The following MIIP variants were observed in gnomAD, a reference collection of about 807,000 sequenced individuals.
The protein encoded by MIIP is migration and invasion-inhibitory protein.
A neutral mutation model predicts 44.8 loss-of-function variants in MIIP; 44 were observed. The observed-to-expected ratio is 0.98, with a 90% CI of 0.77 to 1.26. The LOEUF is 1.26. Among genes scored for constraint, MIIP ranks in the 50% most tolerant of loss-of-function variants. The pLI, the probability that MIIP is intolerant of heterozygous loss-of-function variation, is 0.00. For synonymous variants in MIIP, 225 were observed against 218.3 expected, an observed-to-expected ratio of 1.03 and a Z score of -0.27; for missense variants, 496 against 511.7, an observed-to-expected ratio of 0.97 and a Z score of 0.30.
intron 1 of MIIP, among the ~76,000 whole-genome samples, chr1:12,021,284 C>CTCAG (rs1557547824): frequency 3.9e-5 from 6 of 152,012 alleles, no homozygotes; most frequent in Non-Finnish European, 1.5e-5. Context: ...GTCCCAGCTA[C>CTCAG]TCAGGAGGCT....
chr1:12,021,855 TG>T lies in MIIP; in HGVS notation c.114+18del. The stretch of plus-strand genomic sequence containing the variant: ...CAGCCTCGGAGGTGCGTGCCCGCCT[TG>T]GGAACCCCAGAGGAAGGGGCTACCT... On this transcript the variant is annotated intron_variant, in intron 2 of 9. Transcript: ENST00000235332. The T allele has an allele frequency of 6.3e-7, 1 of 1,584,386 alleles. No homozygotes were observed. The highest frequency in any genetic ancestry group is 8.6e-7 in the Non-Finnish European group (1 of 1,165,370).
chr1:12,028,977 A>G, intron 4 of MIIP, 56 bp from the exon 5 acceptor site: 1 of 1,447,882 alleles, frequency 6.9e-7, no homozygotes, highest in East Asian at 2.3e-5. Context: ...GCCGGTGGCC[A>G]CACAGCAGCC....
chr1:12,028,589 C>G (rs963971820), intron 4 of MIIP: 1 of 172,856 alleles, frequency 5.8e-6, no homozygotes, highest in African/African-American at 2.4e-5. Context: ...GAGAGGCCTT[C>G]CCTGGTATGG....
At position 12,029,112 on chromosome 1, in the gene MIIP, C is replaced by G; in HGVS notation, c.627C>G (p.Asn209Lys). Residue 209 changes from asparagine (N) to lysine (K), a missense_variant, in exon 5 of 10, where the codon AAC (asparagine) becomes AAG (lysine). Physicochemically the swap from Asn to Lys is moderately conservative, Grantham distance 94. Coordinates refer to ENST00000235332, the MANE Select transcript of MIIP (RefSeq NM_021933.4). ...FSKLQEFRET[N>K]KEECICSHPE... ...AGCTGCAGGAGTTTCGGGAAACCAA[C>G]AAGGAGGAGTGTATCTGCAGCCATC... 6.2e-7 allele frequency: 1 copy of G among 1,614,144 alleles called. No homozygotes were observed. The highest frequency in any genetic ancestry group is 1.6e-4 in the Middle Eastern group (1 of 6,062).
chr1:12,028,035 C>T (rs1171884985), intron 4 of MIIP, among the ~76,000 whole-genome samples: 1 of 152,134 alleles, frequency 6.6e-6, no homozygotes, highest in South Asian at 2.1e-4. Context: ...GGTGAAACCC[C>T]GTCTCTACTA....
chr1:12,029,306 C>A, intron 6 of MIIP, 25 bp downstream of exon 6: 1 of 1,608,162 alleles, frequency 6.2e-7, no homozygotes, highest in Non-Finnish European at 8.5e-7. Flanking sequence ...TCGGCTAGGC[C>A]GCTGAGTAGT....
chr1:12,025,040 G>GTTGTTTTTTTTT (rs1640074475), intron 4 of MIIP, among the ~76,000 whole-genome samples: 1 of 138,860 alleles, frequency 7.2e-6, no homozygotes, highest in Non-Finnish European at 1.5e-5. Flanking sequence ...TTTTTTTTTT[G>GTTGTTTTTTTTT]TTTTTTGTTT....
At chr1:12,023,902 G>A (rs1454077871) in intron 4 of MIIP, 2 of 152,180 alleles carry the variant, frequency 1.3e-5, no homozygotes, top group Non-Finnish European at 2.9e-5. Flanking sequence ...GCTGAGGCAA[G>A]AGAATTGCTT....
intron 4 of MIIP, 110 bp from the exon 5 acceptor site, chr1:12,028,923 C>A: frequency 1.2e-6 from 1 of 811,154 alleles, no homozygotes; most frequent in Non-Finnish European, 2.0e-6. Flanking sequence ...AGGGATGAAG[C>A]AGGTGGCCTG....
chr1:12,025,026 TCC>T, intron 4 of MIIP, among the ~76,000 whole-genome samples: 1 of 115,374 alleles, frequency 8.7e-6, no homozygotes, highest in African/African-American at 3.8e-5. Context: ...AGAATTCCCT[TCC>T]TTTTTTTTTT....
chr1:12,024,506 T>G (rs1640059170), intron 4 of MIIP, among the ~76,000 whole-genome samples: 1 of 152,192 alleles, frequency 6.6e-6, no homozygotes, highest in South Asian at 2.1e-4. Flanking sequence ...CTCCGCCTCC[T>G]GGGTTCAAGC....
In MIIP at chr1:12,022,230, C is replaced by T. The variant is rs759666120; in HGVS notation, c.250C>T (p.Leu84Phe). The T allele has an allele frequency of 1.2e-6, 2 of 1,613,072 alleles. No individual in the cohort carries two copies. The highest frequency in any genetic ancestry group is 2.2e-5 in the South Asian group (2 of 90,954). The change falls in exon 3 of 10, where the codon CTC (leucine) becomes TTC (phenylalanine). Residue 84 changes from leucine (L) to phenylalanine (F), a missense_variant. Transcript: ENST00000235332. ...WGPPDACRGD[L>F]RDVARSGVAS... Reference sequence around the variant, plus strand: ...CCCACCAGATGCCTGTCGAGGGGACCTCCGTGATGTGGCCAGATCGGGGGT... The same window carrying T: ...CCCACCAGATGCCTGTCGAGGGGACTTCCGTGATGTGGCCAGATCGGGGGT...
chr1:12,026,561 C>A (rs1272247354), intron 4 of MIIP, among the ~76,000 whole-genome samples: 1 of 152,228 alleles, frequency 6.6e-6, no homozygotes, highest in Middle Eastern at 3.2e-3. Flanking sequence ...TCTGGCTCCT[C>A]CAGGGTTTCC....
At chr1:12,029,480 G>A (rs974920286) in intron 6 of MIIP, 199 bp downstream of exon 6, 8 of 711,504 alleles carry the variant, frequency 1.1e-5, no homozygotes, top group African/African-American at 7.2e-5. Flanking sequence ...CCTGGCCACC[G>A]AATTAGGGGC....
At chr1:12,026,535 G>T (rs1207857309) in intron 4 of MIIP, among the ~76,000 whole-genome samples, 1 of 152,190 alleles carries the variant, frequency 6.6e-6, no homozygotes, top group Non-Finnish European at 1.5e-5. Flanking sequence ...GCTCCAGCGT[G>T]CTCCGCCCCT....
chr1:12,029,801 C>A lies in MIIP; in HGVS notation c.752C>A (p.Pro251Gln). 1 of 1,613,212 alleles carries A rather than the reference C, an allele frequency of 6.2e-7. No individual in the cohort carries two copies. ...YCYRVNRRLF[P>Q]VPVDPGTPCR... ...TACCGTGTCAACCGGCGCCTGTTCCCGGTGCCTGTGGATCCCGGTACCCCC... is the reference window on the plus strand; with the variant it reads ...TACCGTGTCAACCGGCGCCTGTTCCAGGTGCCTGTGGATCCCGGTACCCCC... Residue 251 changes from proline to glutamine, a missense_variant, in exon 7 of 10, where the codon CCG (proline) becomes CAG (glutamine). Coordinates refer to ENST00000235332, the MANE Select transcript of MIIP (RefSeq NM_021933.4).
intron 4 of MIIP, among the ~76,000 whole-genome samples, chr1:12,025,049 T>G (rs1640075255): frequency 6.6e-6 from 1 of 150,528 alleles, no homozygotes; most frequent in African/African-American, 2.5e-5. Context: ...TGTTTTTTGT[T>G]TTTTGTTGTT....
At chr1:12,023,671 C>T (rs1164307025) in intron 4 of MIIP, among the ~76,000 whole-genome samples, 2 of 149,616 alleles carry the variant, frequency 1.3e-5, no homozygotes, top group Non-Finnish European at 3.0e-5. Flanking sequence ...AGCCACCATG[C>T]CCGGCTTTTT....
intron 1 of MIIP, among the ~76,000 whole-genome samples, chr1:12,020,374 T>C (rs1170211731): frequency 6.6e-6 from 1 of 152,108 alleles, no homozygotes; most frequent in East Asian, 1.9e-4. Flanking sequence ...GAGGCGGAGG[T>C]TGCAGTGAGC....
Sources: gnomAD v4.1 joint callset for allele counts (sites outside exome capture counted in the v4.1 genomes callset) on GRCh38, gnomAD v4.1.1 for gene constraint, MANE v1.5 for transcripts, NCBI Gene and HGNC (gene_info 2026-07-23, HGNC 2026-07-21) for gene names.